The following MYO5A variants were observed in gnomAD, a reference collection of about 807,000 sequenced individuals.
MYO5A encodes the protein myosin VA.
MYO5A carries 98 observed loss-of-function variants against 249.7 expected under a neutral mutation model. The ratio of observed to expected loss-of-function variants is 0.39; its 90% CI spans 0.33 to 0.46. MYO5A has a LOEUF of 0.46. Ranked by LOEUF, MYO5A falls within the 20% of genes least tolerant of loss-of-function variation. The pLI, the probability that MYO5A is intolerant of heterozygous loss-of-function variation, is 0.98. For missense variants in MYO5A, 1,696 were observed against 2,308.8 expected (o/e 0.73, Z 5.44); for synonymous variants, 778 against 810.6 (o/e 0.96, Z 0.68).
chr15:52,452,846 T>TA lies in MYO5A; in HGVS notation c.28-19562dup, dbSNP rs199499140. 2.6e-3 allele frequency among the ~76,000 whole-genome samples: 327 copies of TA among 123,862 alleles called. 1 individual carries two copies. The highest frequency in any genetic ancestry group is 5.2e-3 in the African/African-American group (169 of 32,498). 81.3% of individuals were successfully genotyped at this position (123,862 alleles called of 152,430 possible). On this transcript the variant is annotated intron_variant, in intron 1 of 41. Coordinates refer to ENST00000399233, the MANE Select transcript of MYO5A (RefSeq NM_001382347.1). Reference sequence around the variant, plus strand: ...CTGAGCAACAAAGTGAGACTCCATGTAAAAAAAAAAAAAAAATAGCCATAG... The same window carrying TA: ...CTGAGCAACAAAGTGAGACTCCATGTAAAAAAAAAAAAAAAAATAGCCATAG...
At chr15:52,420,718 T>C (rs1016645906) in intron 4 of MYO5A, among the ~76,000 whole-genome samples, 2 of 152,130 alleles carry the variant, frequency 1.3e-5, no homozygotes, top group Non-Finnish European at 2.9e-5. Flanking sequence ...TAATGAAGTA[T>C]AAATATAAAT....
intron 20 of MYO5A, among the ~76,000 whole-genome samples, chr15:52,374,521 A>G (rs932267990): frequency 1.3e-5 from 2 of 152,248 alleles, no homozygotes; most frequent in African/African-American, 4.8e-5. Flanking sequence ...TTCAGATGGG[A>G]GGATTATCCT....
chr15:52,428,557 G>A lies in MYO5A; in HGVS notation c.151C>T (p.His51Tyr), dbSNP rs1029639593. 3.1e-6 allele frequency: 5 copies of A among 1,613,970 alleles called. No homozygotes were observed. The highest frequency in any genetic ancestry group is 4.2e-6 in the Non-Finnish European group (5 of 1,179,998). ...HLEEGKDLEY[H>Y]LDPKTKELPH... ...AGCTCCTTGGTCTTTGGATCTAGAT[G>A]GTATTCCAAATCCTGAAAATGCACA... The change falls in exon 3 of 42, where the codon CAT becomes TAT. Residue 51 changes from histidine to tyrosine, a missense_variant. His to Tyr is a moderately conservative substitution (Grantham distance 83). Transcript: ENST00000399233.
chr15:52,493,491 C>T (rs1309136467), intron 1 of MYO5A, among the ~76,000 whole-genome samples: 1 of 151,844 alleles, frequency 6.6e-6, no homozygotes, highest in African/African-American at 2.4e-5. Context: ...CGTGAAACTC[C>T]GTTCTACTAA....
At chr15:52,336,890 A>G (rs1250285221) in intron 33 of MYO5A, among the ~76,000 whole-genome samples, 1 of 152,220 alleles carries the variant, frequency 6.6e-6, no homozygotes, top group Non-Finnish European at 1.5e-5. Context: ...TTAAAGGAGG[A>G]CTGACTAGGC....
intron 16 of MYO5A, among the ~76,000 whole-genome samples, chr15:52,381,759 TTG>T (rs199899070): frequency 3.1e-3 from 256 of 83,354 alleles, no homozygotes; most frequent in African/African-American, 7.9e-3. Context: ...GCCCCTCCTT[TTG>T]TGTCTCTCTC....
intron 1 of MYO5A, among the ~76,000 whole-genome samples, chr15:52,466,574 G>A (rs991031423): frequency 3.9e-5 from 6 of 152,208 alleles, no homozygotes; most frequent in African/African-American, 1.4e-4. Flanking sequence ...ATGTCTGCCA[G>A]CCAAGGCTGT....
At chr15:52,379,449 C>T (rs561975829) in intron 18 of MYO5A, among the ~76,000 whole-genome samples, 176 bp downstream of exon 18, 16 of 152,252 alleles carry the variant, frequency 1.1e-4, no homozygotes, top group African/African-American at 2.2e-4. Flanking sequence ...TGCCTCCTGA[C>T]GGTGGACTAT....
At chr15:52,348,219 C>T (rs770583654) in intron 29 of MYO5A, among the ~76,000 whole-genome samples, 10 of 152,324 alleles carry the variant, frequency 6.6e-5, no homozygotes, top group East Asian at 1.9e-4. Flanking sequence ...CAAACTTTGT[C>T]TCTCTTAAGC....
At chr15:52,325,957 C>A (rs1384767766) in intron 36 of MYO5A, among the ~76,000 whole-genome samples, 1 of 152,132 alleles carries the variant, frequency 6.6e-6, no homozygotes, top group East Asian at 1.9e-4. Flanking sequence ...CCTACTCTAT[C>A]CCATAGAGAA....
In MYO5A at chr15:52,389,219, T is replaced by C. The variant is rs757369089; in HGVS notation, c.1668+19A>G. ...CATTTAAGTATTCAAAAAGAAAAACTGATATAAAGCTTCCTTACTTTGTCA... is the reference window on the plus strand; with the variant it reads ...CATTTAAGTATTCAAAAAGAAAAACCGATATAAAGCTTCCTTACTTTGTCA... On this transcript the variant is annotated intron_variant, in intron 13 of 41. Coordinates refer to ENST00000399233, the MANE Select transcript of MYO5A (RefSeq NM_001382347.1). The C allele has an allele frequency of 6.2e-7, 1 of 1,609,242 alleles. No individual in the cohort carries two copies. The highest frequency in any genetic ancestry group is 8.5e-7 in the Non-Finnish European group (1 of 1,176,324).
chr15:52,335,636 C>T (rs1052029575), intron 34 of MYO5A, among the ~76,000 whole-genome samples: 4 of 151,826 alleles, frequency 2.6e-5, no homozygotes, highest in South Asian at 4.2e-4. Flanking sequence ...AGATAAGATC[C>T]ATTTGTATAT....
intron 9 of MYO5A, among the ~76,000 whole-genome samples, chr15:52,399,641 C>T (rs2042656320): frequency 6.6e-6 from 1 of 151,836 alleles, no homozygotes; most frequent in Admixed American, 6.6e-5. Context: ...AAGTATATAC[C>T]TGAAACTTTT....
intron 1 of MYO5A, among the ~76,000 whole-genome samples, chr15:52,521,408 T>C (rs2077617330): frequency 6.6e-6 from 1 of 152,138 alleles, no homozygotes; most frequent in Non-Finnish European, 1.5e-5. Context: ...CAACCACACA[T>C]GCAGGATTCC....
At chr15:52,479,304 T>A (rs1416629834) in intron 1 of MYO5A, among the ~76,000 whole-genome samples, 1 of 152,216 alleles carries the variant, frequency 6.6e-6, no homozygotes, top group African/African-American at 2.4e-5. Context: ...AATAGATTTA[T>A]GTGTATTTTA....
chr15:52,325,802 AC>A (rs1258485021), intron 36 of MYO5A, among the ~76,000 whole-genome samples: 2 of 152,166 alleles, frequency 1.3e-5, no homozygotes, highest in African/African-American at 2.4e-5. Flanking sequence ...AAATAAAAGA[AC>A]ATTTGCTTCT....
chr15:52,356,823 T>TTC (rs1555432798), intron 25 of MYO5A, among the ~76,000 whole-genome samples: 41 of 127,780 alleles, frequency 3.2e-4, no homozygotes, highest in Non-Finnish European at 4.2e-4. Flanking sequence ...TTTTTTATTT[T>TTC]CAGGAATTGT....
chr15:52,480,914 A>G (rs1384808386), intron 1 of MYO5A, among the ~76,000 whole-genome samples: 2 of 152,180 alleles, frequency 1.3e-5, no homozygotes, highest in Non-Finnish European at 2.9e-5. Flanking sequence ...CTGAGTACCA[A>G]CAGGCACAGG....
At chr15:52,337,194 GAAGA>G (rs2039159705) in intron 33 of MYO5A, among the ~76,000 whole-genome samples, 1 of 152,202 alleles carries the variant, frequency 6.6e-6, no homozygotes, top group Non-Finnish European at 1.5e-5. Context: ...TGCTTATACA[GAAGA>G]AAGGGGTATT....
Sources: allele counts gnomAD v4.1 joint callset (sites outside exome capture counted in the v4.1 genomes callset), GRCh38; gene constraint gnomAD v4.1.1; transcripts MANE v1.5; gene names NCBI Gene and HGNC (gene_info 2026-07-23, HGNC 2026-07-21).